The following MYL6 variants were observed in gnomAD, a reference collection of about 807,000 sequenced individuals.
MYL6 encodes the protein myosin light chain 6, also known as myosin light polypeptide 6.
A neutral mutation model predicts 20.3 loss-of-function variants in MYL6; 20 were observed. The ratio of observed to expected loss-of-function variants is 0.98; its 90% CI spans 0.69 to 1.43. The LOEUF is 1.43. Ranked by LOEUF, MYL6 falls within the 40% of genes most tolerant of loss-of-function variation. The pLI, the probability that MYL6 is intolerant of heterozygous loss-of-function variation, is 0.00. For synonymous variants in MYL6, 77 were observed against 72.4 expected (o/e 1.06, Z -0.32); for missense variants, 164 against 191.0 (o/e 0.86, Z 0.83).
At position 56,158,814 on chromosome 12, in the gene MYL6, C is replaced by T. The variant is rs1871505282; in HGVS notation, c.31+103C>T. 7 of 1,562,188 alleles carry T rather than the reference C, an allele frequency of 4.5e-6. No homozygotes were observed. The Admixed American group carries it at 5.7e-5, about 13-fold the overall frequency. On this transcript the variant is annotated intron_variant, in intron 2 of 6. Transcript: ENST00000550697. ...TAATCTGTCATCTCTTTAGCACCCC[C>T]ATGAGATTACCCCCTGGATTATTTT...
intron 2 of MYL6, chr12:56,158,929 T>A (rs186068314): frequency 7.0e-7 from 1 of 1,420,814 alleles, no homozygotes; most frequent in East Asian, 2.6e-5. Context: ...GGGTGAGTTT[T>A]AGGTGGTGTG....
At position 56,160,247 on chromosome 12, in the gene MYL6, G is replaced by A; in HGVS notation, c.354G>A (p.Glu118=). The A allele has an allele frequency of 1.2e-6, 2 of 1,614,200 alleles. No homozygotes were observed. The highest frequency in any genetic ancestry group is 1.7e-6 in the Non-Finnish European group (2 of 1,180,032). The stretch of plus-strand genomic sequence containing the variant: ...ATGCTTTCTTTCCCCCTGCAGGTGA[G>A]AAGATGACAGAGGAAGAAGTAGAGA... ...EIRHVLVTLG[E]KMTEEEVEML... is the part of the protein sequence containing the mutation. The change falls in exon 5 of 7, where the codon GAG becomes GAA. Residue 118 remains glutamate (E), a synonymous_variant. Transcript: ENST00000550697.
chr12:56,160,990 T>C (rs1299781035), intron 6 of MYL6: 4 of 564,890 alleles, frequency 7.1e-6, no homozygotes, highest in Non-Finnish European at 1.3e-5. Context: ...GTAGCTGGCA[T>C]AGAGGGGTAT....
At chr12:56,160,417 A>G (rs1871682257) in intron 5 of MYL6, 97 bp downstream of exon 5, 1 of 1,559,192 alleles carries the variant, frequency 6.4e-7, no homozygotes, top group Non-Finnish European at 8.8e-7. Context: ...TTGGGCTCCA[A>G]AAAGAGCCAG....
Position 56,159,971 on chromosome 12 carries a change from G to A in MYL6, c.176-4G>A. On this transcript the variant is annotated splice_region_variant and splice_polypyrimidine_tract_variant and intron_variant, in intron 3 of 6. Transcript: ENST00000550697. ...GCCTGACACTTCCACCTCCTTTATG[G>A]CAGAGATGAATGTGAAGGTGCTGGA... The A allele has an allele frequency of 6.2e-7, 1 of 1,610,076 alleles. No homozygotes were observed. Among genetic ancestry groups the A allele is most frequent in the Non-Finnish European group, 8.5e-7 (1 of 1,178,104 alleles).
At chr12:56,161,149 C>T in intron 6 of MYL6, 1 of 607,564 alleles carries the variant, frequency 1.6e-6, no homozygotes. Context: ...AACTTTTCTG[C>T]CTCTGCTGTG....
At position 56,161,473 on chromosome 12, in the gene MYL6, C is replaced by T. The variant is rs1376007087; in HGVS notation, c.*103C>T. ...TTCCCTGTGTGAATTTTGTATCTAG[C>T]CTAAAGTTTCCCTAGGCTTTCTTGT... On this transcript the variant is annotated 3_prime_UTR_variant, in exon 7 of 7. Coordinates refer to ENST00000550697, the MANE Select transcript of MYL6 (RefSeq NM_021019.5). 3.1e-6 allele frequency: 5 copies of T among 1,587,996 alleles called. No homozygotes were observed. The highest frequency in any genetic ancestry group is 1.1e-5 in the South Asian group (1 of 90,528).
At chr12:56,160,996 G>T (rs1184418311) in intron 6 of MYL6, 10 of 562,578 alleles carry the variant, frequency 1.8e-5, no homozygotes, top group Non-Finnish European at 2.6e-5. Flanking sequence ...GGCATAGAGG[G>T]GTATGGGTTG....
intron 2 of MYL6, chr12:56,159,080 C>A: frequency 1.9e-6 from 1 of 513,308 alleles, no homozygotes; most frequent in Non-Finnish European, 3.1e-6. Flanking sequence ...CCCCGCCCTC[C>A]CAGCTTGCAG....
rs369210843 is a variant in MYL6 at position 56,161,303 on chromosome 12, C to G, written c.*17-84C>G. The G allele has an allele frequency of 1.7e-4, 268 of 1,539,710 alleles. No individual in the cohort carries two copies. In the African/African-American group the frequency reaches 3.2e-3, roughly 18 times the overall value. On this transcript the variant is annotated intron_variant, in intron 6 of 6. Coordinates refer to ENST00000550697, the MANE Select transcript of MYL6 (RefSeq NM_021019.5). ...GTGGGCATGTTCCCGCTTATGCTACCTTTGCAGTCTGGTAGTCCCCTGGCC... is the reference window on the plus strand; with the variant it reads ...GTGGGCATGTTCCCGCTTATGCTACGTTTGCAGTCTGGTAGTCCCCTGGCC...
chr12:56,158,430 G>T, intron 1 of MYL6, 26 bp downstream of exon 1: 3 of 1,539,428 alleles, frequency 1.9e-6, no homozygotes, highest in South Asian at 2.5e-5. Context: ...TGGGAGACGG[G>T]CAGGATTGGG....
intron 2 of MYL6, chr12:56,159,012 C>A: frequency 8.5e-7 from 1 of 1,175,466 alleles, no homozygotes; most frequent in Non-Finnish European, 1.1e-6. Flanking sequence ...AAGCTGCCTG[C>A]TTTCCTTTGT....
At chr12:56,158,982 G>T in intron 2 of MYL6, 1 of 1,362,436 alleles carries the variant, frequency 7.3e-7, no homozygotes, top group Non-Finnish European at 9.5e-7. Flanking sequence ...GCTGTGTGTG[G>T]GGTCTCGGGA....
intron 5 of MYL6, 69 bp downstream of exon 5, chr12:56,160,389 C>T (rs1447284640): frequency 4.4e-6 from 7 of 1,588,998 alleles, no homozygotes; most frequent in Non-Finnish European, 6.0e-6. Flanking sequence ...GTGTCTGGGG[C>T]TTTCCCTATC....
chr12:56,160,045 C>A lies in MYL6; in HGVS notation c.246C>A (p.Asp82Glu). Reference sequence around the variant, plus strand: ...TGCAGACAGTGGCCAAGAACAAGGACCAGGGCACCTATGAGGATTATGTCG... The same window carrying A: ...TGCAGACAGTGGCCAAGAACAAGGAACAGGGCACCTATGAGGATTATGTCG... The part of the protein sequence containing the change: ...PMLQTVAKNK[D>E]QGTYEDYVEG... Residue 82 changes from aspartate to glutamate, a missense_variant, in exon 4 of 7, where the codon GAC becomes GAA. Asp to Glu is a conservative substitution (Grantham distance 45). Transcript: ENST00000550697. 1 of 1,614,152 alleles carries A rather than the reference C, an allele frequency of 6.2e-7. No individual in the cohort carries two copies. Among genetic ancestry groups the A allele is most frequent in the Non-Finnish European group, 8.5e-7 (1 of 1,180,038 alleles).
chr12:56,160,576 C>G, intron 5 of MYL6, 50 bp from the exon 6 acceptor site: 1 of 1,602,082 alleles, frequency 6.2e-7, no homozygotes, highest in Non-Finnish European at 8.6e-7. Flanking sequence ...TGACCCCTCA[C>G]CCCATGTCTT....
rs755391361 is a variant in MYL6, at chr12:56,159,972, C to T, written c.176-3C>T. 1.2e-6 allele frequency: 2 copies of T among 1,609,656 alleles called. No homozygotes were observed. Among genetic ancestry groups the T allele is most frequent in the African/African-American group, 2.7e-5 (2 of 74,826 alleles). On this transcript the variant is annotated splice_region_variant and splice_polypyrimidine_tract_variant and intron_variant, in intron 3 of 6. Transcript: ENST00000550697. ...CCTGACACTTCCACCTCCTTTATGG[C>T]AGAGATGAATGTGAAGGTGCTGGAC...
In MYL6 at chr12:56,161,546, G is replaced by A; in HGVS notation, c.*176G>A. On this transcript the variant is annotated 3_prime_UTR_variant, in exon 7 of 7. Transcript: ENST00000550697. ...CTCTCTTGGATGATGTTTGCCGTCA[G>A]CATTCACCAAATAAACTTGCTCTCT... 2 of 1,170,848 alleles carry A rather than the reference G, an allele frequency of 1.7e-6. No homozygotes were observed. Among genetic ancestry groups the A allele is most frequent in the Non-Finnish European group, 2.5e-6 (2 of 785,684 alleles). 72.5% of individuals were successfully genotyped at this position (1,170,848 alleles called of 1,614,324 possible).
chr12:56,158,382 C>G lies in MYL6; in HGVS notation c.-20C>G, dbSNP rs765912486. 7.9e-6 allele frequency: 12 copies of G among 1,519,788 alleles called. No homozygotes were observed. The highest frequency in any genetic ancestry group is 1.1e-5 in the Non-Finnish European group (12 of 1,137,114). 94.1% of individuals were successfully genotyped at this position (1,519,788 alleles called of 1,614,324 possible). Reference sequence around the variant, plus strand: ...GAGCCATTACTGCAGGAAAAGGTCCCGGAGAGCTGAGCAGTCAAGATGGTG... The same window carrying G: ...GAGCCATTACTGCAGGAAAAGGTCCGGGAGAGCTGAGCAGTCAAGATGGTG... On this transcript the variant is annotated 5_prime_UTR_variant, in exon 1 of 7. Transcript: ENST00000550697.
Sources: gnomAD v4.1 joint callset for allele counts on GRCh38, gnomAD v4.1.1 for gene constraint, MANE v1.5 for transcripts, NCBI Gene and HGNC (gene_info 2026-07-23, HGNC 2026-07-21) for gene names.